Variants in KLF8 observed in about 807,000 individuals in gnomAD.
KLF8 encodes Krueppel-like factor 8.
Under a neutral mutation model 18.2 loss-of-function variants are expected in KLF8, and 10 were observed. That is an observed-to-expected ratio of 0.55 (90% CI 0.34 to 0.93). The LOEUF (loss-of-function observed/expected upper bound fraction) is 0.93, where lower values mean the gene tolerates loss of function less well. Among genes scored for constraint, KLF8 ranks in the 40% least tolerant of loss-of-function variants. The pLI is 0.02. For missense variants in KLF8, 264 were observed against 277.9 expected (o/e 0.95, Z 0.36); for synonymous variants, 109 against 97.3 (o/e 1.12, Z -0.71).
the KLF8 span, among the ~76,000 whole-genome samples, chrX:56,212,467 A>T: frequency 8.9e-6 from 1 of 112,040 alleles, no homozygotes; most frequent in Non-Finnish European, 1.9e-5. Context: ...GCCCTCAGTG[A>T]TGAGGTTTGT....
At chrX:55,990,233 C>T in the KLF8 span, among the ~76,000 whole-genome samples, 4 of 111,096 alleles carry the variant, frequency 3.6e-5, no homozygotes, top group South Asian at 1.5e-3. Flanking sequence ...TATTTCTTGC[C>T]TTCTGCTAGC....
the KLF8 span, among the ~76,000 whole-genome samples, chrX:56,013,132 G>A: frequency 8.9e-6 from 1 of 112,645 alleles, no homozygotes; most frequent in African/African-American, 3.2e-5. Context: ...GGCAATGAGA[G>A]CCTACCTCTT....
chrX:55,927,817 G>A, the KLF8 span, among the ~76,000 whole-genome samples: 1 of 111,379 alleles, frequency 9.0e-6, no homozygotes, highest in East Asian at 2.8e-4. Context: ...GATTATGTGT[G>A]TTGTAAATAT....
At chrX:56,269,026 A>G (rs868738374) in intron 3 of KLF8, 1 of 822,169 alleles carries the variant, frequency 1.2e-6, no homozygotes, top group South Asian at 3.9e-5. Flanking sequence ...ACACACACAC[A>G]CGTTGAAACT....
the KLF8 span, among the ~76,000 whole-genome samples, chrX:56,124,463 A>G: frequency 8.9e-6 from 1 of 112,318 alleles, no homozygotes; most frequent in Non-Finnish European, 1.9e-5. Context: ...AGTCTATACT[A>G]TGTCTCTACC....
the KLF8 span, among the ~76,000 whole-genome samples, chrX:56,060,106 T>A: frequency 8.9e-6 from 1 of 111,889 alleles, no homozygotes; most frequent in Admixed American, 9.5e-5. Context: ...CAGGGTTTTC[T>A]AAATATACAA....
At chrX:56,053,161 ACTGT>A in the KLF8 span, among the ~76,000 whole-genome samples, 1 of 112,021 alleles carries the variant, frequency 8.9e-6, no homozygotes, top group Admixed American at 9.4e-5. Flanking sequence ...ACCTGCGCCC[ACTGT>A]CTGGCACTCC....
chrX:56,161,276 C>G, the KLF8 span, among the ~76,000 whole-genome samples: 21 of 111,757 alleles, frequency 1.9e-4, no homozygotes, highest in East Asian at 4.5e-3. Context: ...GTCTGATGGG[C>G]TTCCCTTTGT....
At chrX:56,020,993 C>T in the KLF8 span, among the ~76,000 whole-genome samples, 1 of 112,131 alleles carries the variant, frequency 8.9e-6, no homozygotes, top group Non-Finnish European at 1.9e-5. Flanking sequence ...TGTATGTTTA[C>T]ATTCTGATTT....
the KLF8 span, among the ~76,000 whole-genome samples, chrX:55,989,379 C>G: frequency 4.3e-3 from 485 of 112,427 alleles, 5 homozygotes; most frequent in African/African-American, 0.015. Context: ...TAAGTCCCAT[C>G]AATACCTAAT....
At chrX:56,278,899 C>G (rs1207734961) in intron 5 of KLF8, among the ~76,000 whole-genome samples, 4 of 111,578 alleles carry the variant, frequency 3.6e-5, no homozygotes, top group Non-Finnish European at 7.5e-5. Context: ...GGGTGGGAGT[C>G]AGCAGAGTTC....
At chrX:56,058,293 T>TATATATAC in the KLF8 span, among the ~76,000 whole-genome samples, 2 of 65,218 alleles carry the variant, frequency 3.1e-5, no homozygotes, top group African/African-American at 1.2e-4. Context: ...TATATATATA[T>TATATATAC]ATATATATAT....
the KLF8 span, among the ~76,000 whole-genome samples, chrX:56,173,607 T>G: frequency 8.9e-6 from 1 of 112,041 alleles, no homozygotes; most frequent in Middle Eastern, 4.6e-3. Flanking sequence ...CATATGAACT[T>G]TAAAGTAGTT....
chrX:56,060,505 T>A, the KLF8 span, among the ~76,000 whole-genome samples: 1 of 112,128 alleles, frequency 8.9e-6, no homozygotes, highest in African/African-American at 3.2e-5. Flanking sequence ...TTTGTGTACG[T>A]TGAACCACCC....
At chrX:55,909,990 G>C in the KLF8 span, among the ~76,000 whole-genome samples, 1 of 111,756 alleles carries the variant, frequency 8.9e-6, no homozygotes. Context: ...TGTGGATAGA[G>C]CCTAATGATA....
upstream of KLF8, among the ~76,000 whole-genome samples, chrX:56,227,623 G>A (rs909984043): frequency 2.7e-5 from 3 of 111,619 alleles, no homozygotes; most frequent in Non-Finnish European, 3.8e-5. Context: ...GATTACAGGC[G>A]TGAGCCACGG....
At chrX:56,073,473 A>G in the KLF8 span, among the ~76,000 whole-genome samples, 1 of 111,663 alleles carries the variant, frequency 9.0e-6, no homozygotes, top group South Asian at 3.8e-4. Flanking sequence ...GTGTACAAGT[A>G]TGAGTCCCAG....
the KLF8 span, among the ~76,000 whole-genome samples, chrX:56,153,854 CT>C: frequency 9.0e-6 from 1 of 111,244 alleles, no homozygotes; most frequent in Non-Finnish European, 1.9e-5. Context: ...AATAAAATAC[CT>C]AGGAATCCAA....
the KLF8 span, among the ~76,000 whole-genome samples, chrX:56,140,386 G>A: frequency 8.9e-6 from 1 of 111,772 alleles, no homozygotes; most frequent in Non-Finnish European, 1.9e-5. Context: ...ACTTGGTAAA[G>A]AAAACATGAT....
Sources: allele counts gnomAD v4.1 joint callset (sites outside exome capture counted in the v4.1 genomes callset), GRCh38; gene constraint gnomAD v4.1.1; transcripts MANE v1.5; gene names NCBI Gene and HGNC (gene_info 2026-07-23, HGNC 2026-07-21).